The following TAB2 variants were observed in gnomAD, a reference collection of about 807,000 sequenced individuals.
The protein encoded by TAB2 is TGF-beta activated kinase 1 (MAP3K7) binding protein 2.
Under a neutral mutation model 65.0 loss-of-function variants are expected in TAB2, and 3 were observed. The ratio of observed to expected loss-of-function variants is 0.05; its 90% confidence interval spans 0.02 to 0.12. The LOEUF (loss-of-function observed/expected upper bound fraction) is 0.12, where lower values mean the gene tolerates loss of function less well. Among genes scored for constraint, TAB2 ranks in the 10% least tolerant of loss-of-function variants. The pLI, the probability that TAB2 is intolerant of heterozygous loss-of-function variation, is 1.00. For missense variants in TAB2, 623 were observed against 840.3 expected (o/e 0.74, Z 3.20); for synonymous variants, 298 against 285.1 (o/e 1.05, Z -0.46).
At chr6:149,339,088 G>A (rs911665330) in intron 1 of TAB2, among the ~76,000 whole-genome samples, 5 of 152,234 alleles carry the variant, frequency 3.3e-5, no homozygotes, top group African/African-American at 7.2e-5. Flanking sequence ...GGATATGACC[G>A]GGCACAGTGG....
chr6:149,311,214 C>T (rs1779160811), intron 1 of TAB2, among the ~76,000 whole-genome samples: 3 of 152,216 alleles, frequency 2.0e-5, no homozygotes, highest in Admixed American at 2.0e-4. Flanking sequence ...AAATCAGCTA[C>T]TTCATGTTCC....
intron 1 of TAB2, among the ~76,000 whole-genome samples, chr6:149,341,523 T>G (rs2114779784): frequency 6.6e-6 from 1 of 152,236 alleles, no homozygotes; most frequent in South Asian, 2.1e-4. Flanking sequence ...TTTAGCTAAA[T>G]CTCATGGACA....
intron 1 of TAB2, chr6:149,245,461 C>T (rs112359053): frequency 2.0e-5 from 3 of 152,166 alleles, no homozygotes; most frequent in African/African-American, 4.8e-5. Context: ...ATTACCATGA[C>T]ATTTTTCCTT....
At chr6:149,289,154 AGGT>A in intron 1 of TAB2, among the ~76,000 whole-genome samples, 1 of 151,898 alleles carries the variant, frequency 6.6e-6, no homozygotes, top group African/African-American at 2.4e-5. Context: ...CCACCATGCC[AGGT>A]CAACGTGATT....
Position 149,378,919 on chromosome 6 carries a change from G to T in TAB2, c.1004G>T (p.Arg335Ile), listed in dbSNP as rs1053435. Residue 335 changes from arginine to isoleucine, a missense_variant, in exon 3 of 7, where the codon AGA (arginine) becomes ATA (isoleucine). Physicochemically the swap from Arg to Ile is moderately conservative, Grantham distance 97 (BLOSUM62 -3). Coordinates refer to ENST00000637181, the MANE Select transcript of TAB2 (RefSeq NM_001292034.3). Reference protein sequence around the residue: ...QIEIKLEPPQRNNSSKLRSSG... With the variant: ...QIEIKLEPPQINNSSKLRSSG... ...GAAATCAAACTTGAACCCCCACAAA[G>T]AAATAATTCTTCAAAACTGCGTTCT... 6.2e-7 allele frequency: 1 copy of T among 1,614,064 alleles called. No individual in the cohort carries two copies. Among genetic ancestry groups the T allele is most frequent in the Non-Finnish European group, 8.5e-7 (1 of 1,180,008 alleles).
chr6:149,341,772 G>A (rs913837336), intron 1 of TAB2, among the ~76,000 whole-genome samples: 5 of 151,938 alleles, frequency 3.3e-5, no homozygotes, highest in South Asian at 2.1e-4. Flanking sequence ...TTGGATCTTC[G>A]TCTTCACTAC....
intron 1 of TAB2, among the ~76,000 whole-genome samples, chr6:149,352,189 C>G (rs916941779): frequency 6.6e-6 from 1 of 152,112 alleles, no homozygotes; most frequent in African/African-American, 2.4e-5. Context: ...CCACCATTTA[C>G]TTTGTATGGC....
At chr6:149,328,373 A>G (rs1048499715) in intron 1 of TAB2, among the ~76,000 whole-genome samples, 5 of 151,830 alleles carry the variant, frequency 3.3e-5, no homozygotes, top group Non-Finnish European at 7.4e-5. Context: ...GCTCAGTGCA[A>G]CCTCCACCTC....
chr6:149,291,805 G>A (rs983696092), intron 1 of TAB2, among the ~76,000 whole-genome samples: 3 of 152,168 alleles, frequency 2.0e-5, no homozygotes, highest in Non-Finnish European at 4.4e-5. Context: ...AGGTTGTAGT[G>A]AGCCAAGATC....
rs146590084 is a variant in TAB2, at chr6:149,381,762, A to G, written c.1603+2244A>G. Among the ~76,000 whole-genome samples, 5 of 151,516 alleles carry G rather than the reference A, an allele frequency of 3.3e-5. No individual in the cohort carries two copies. The East Asian group carries it at 7.8e-4, about 24-fold the overall frequency. On this transcript the variant is annotated intron_variant, in intron 3 of 6. Coordinates refer to ENST00000637181, the MANE Select transcript of TAB2 (RefSeq NM_001292034.3). ...TAACTTTTTGTATTTTTTTGCAGAC[A>G]GGGTCTCCCTATGTTGCCCAGGCTG...
At chr6:149,380,109 A>G (rs1245675133) in intron 3 of TAB2, 1 of 340,518 alleles carries the variant, frequency 2.9e-6, no homozygotes, top group Non-Finnish European at 5.7e-6. Context: ...GCATGGTGGC[A>G]CACACCTGTA....
intron 1 of TAB2, among the ~76,000 whole-genome samples, chr6:149,299,417 C>G (rs1778932817): frequency 6.6e-6 from 1 of 152,058 alleles, no homozygotes; most frequent in Non-Finnish European, 1.5e-5. Context: ...ACTAAAAACA[C>G]AAAAATTAGC....
intron 1 of TAB2, among the ~76,000 whole-genome samples, chr6:149,262,923 C>T (rs567025000): frequency 8.5e-4 from 130 of 152,260 alleles, no homozygotes; most frequent in African/African-American, 2.9e-3. Flanking sequence ...CCCACCTCAG[C>T]CTCTCAAATA....
At chr6:149,263,894 T>C (rs117377583) in intron 1 of TAB2, among the ~76,000 whole-genome samples, 3,918 of 152,220 alleles carry the variant, frequency 0.026, 77 homozygotes, top group Middle Eastern at 0.068. Context: ...GGGCACCAGA[T>C]CTCTTCTTGA....
chr6:149,379,911 G>T, intron 3 of TAB2: 1 of 455,120 alleles, frequency 2.2e-6, no homozygotes, highest in South Asian at 1.6e-5. Flanking sequence ...GACTAATATG[G>T]TAAATTTGCC....
At chr6:149,275,282 AAG>A (rs1207219568) in intron 1 of TAB2, among the ~76,000 whole-genome samples, 5 of 150,186 alleles carry the variant, frequency 3.3e-5, no homozygotes, top group Admixed American at 3.3e-4. Context: ...GAAAGAAAGA[AAG>A]AAAGAAAGAA....
At chr6:149,339,038 C>T (rs565746020) in intron 1 of TAB2, among the ~76,000 whole-genome samples, 4 of 152,282 alleles carry the variant, frequency 2.6e-5, no homozygotes, top group Admixed American at 6.5e-5. Context: ...CATCAACTCA[C>T]GTGGGAAGCA....
intron 1 of TAB2, among the ~76,000 whole-genome samples, chr6:149,349,973 C>G (rs962600932): frequency 6.6e-6 from 1 of 152,050 alleles, no homozygotes; most frequent in East Asian, 1.9e-4. Context: ...ACTCTGTCGC[C>G]GAGGCAAGAG....
intron 1 of TAB2, chr6:149,244,165 C>A (rs1362877317): frequency 6.6e-6 from 1 of 152,266 alleles, no homozygotes; most frequent in Non-Finnish European, 1.5e-5. Flanking sequence ...AAGGCTGAGG[C>A]TTTCCAGTGT....
Sources: allele counts gnomAD v4.1 joint callset (sites outside exome capture counted in the v4.1 genomes callset), GRCh38; gene constraint gnomAD v4.1.1; transcripts MANE v1.5; gene names NCBI Gene and HGNC (gene_info 2026-07-23, HGNC 2026-07-21).